The following KCNMA1 variants were observed in gnomAD, a reference collection of about 807,000 sequenced individuals.
KCNMA1 encodes Calcium-activated potassium channel subunit alpha-1.
In KCNMA1, 29 loss-of-function variants were observed where a neutral mutation model predicts 140.0. That is an observed-to-expected ratio of 0.21 (90% confidence interval 0.15 to 0.28). KCNMA1 has a LOEUF of 0.28. KCNMA1 is among the 10% of genes least tolerant of loss of function. The pLI is 1.00. For missense variants in KCNMA1, 880 were observed against 1,602.2 expected, an observed-to-expected ratio of 0.55 and a Z score of 7.70; for synonymous variants, 612 against 611.9, an observed-to-expected ratio of 1.00 and a Z score of 0.00.
intron 5 of KCNMA1, among the ~76,000 whole-genome samples, chr10:77,176,744 GA>G (rs1375890433): frequency 6.6e-6 from 1 of 152,084 alleles, no homozygotes; most frequent in Non-Finnish European, 1.5e-5. Context: ...ATAATAATGG[GA>G]ATAATAATAT....
At chr10:77,214,544 A>G (rs2047097570) in intron 3 of KCNMA1, among the ~76,000 whole-genome samples, 2 of 152,172 alleles carry the variant, frequency 1.3e-5, no homozygotes, top group Admixed American at 6.6e-5. Flanking sequence ...CCAAAATATA[A>G]GCTTGCTCAA....
At chr10:77,356,018 T>A (rs1396376902) in intron 2 of KCNMA1, among the ~76,000 whole-genome samples, 1 of 152,236 alleles carries the variant, frequency 6.6e-6, no homozygotes. Context: ...TCTCCTAGAC[T>A]ACATTTACGT....
At chr10:77,407,431 C>T (rs1174656300) in intron 1 of KCNMA1, among the ~76,000 whole-genome samples, 1 of 152,222 alleles carries the variant, frequency 6.6e-6, no homozygotes, top group Non-Finnish European at 1.5e-5. Flanking sequence ...AGAGTGTTGG[C>T]CACCATTGAA....
intron 1 of KCNMA1, among the ~76,000 whole-genome samples, chr10:77,494,194 G>A (rs1446221754): frequency 6.6e-6 from 1 of 152,230 alleles, no homozygotes; most frequent in African/African-American, 2.4e-5. Context: ...AACTCACCAC[G>A]TTGCCTTTGA....
chr10:76,970,369 A>G (rs1264706667), intron 19 of KCNMA1: 3 of 340,768 alleles, frequency 8.8e-6, no homozygotes, highest in Admixed American at 8.3e-5. Flanking sequence ...TTATCTGTAT[A>G]CCAAAAAAAA....
chr10:76,954,267 G>A lies in KCNMA1; in HGVS notation c.2361-343C>T, dbSNP rs534254272. Among the ~76,000 whole-genome samples, 166 of 96,302 alleles carry A rather than the reference G, an allele frequency of 1.7e-3. 1 individual carries two copies. The highest frequency in any genetic ancestry group is 5.1e-3 in the Middle Eastern group (1 of 198). The allele number at this position is 96,302 out of a possible 152,430, so 63.2% of individuals were successfully genotyped here. A position where few individuals can be genotyped will look rare whatever the true frequency, so the allele number is the denominator to read the frequency against. On this transcript the variant is annotated intron_variant, in intron 20 of 27. Coordinates refer to ENST00000286628, the MANE Select transcript of KCNMA1 (RefSeq NM_001161352.2). ...TTACCAGCTATTCGATCTCCCCAGC[G>A]TGCACACACACACACACACACACAC...
At chr10:76,929,257 C>A (rs1165145368) in intron 23 of KCNMA1, among the ~76,000 whole-genome samples, 3 of 152,114 alleles carry the variant, frequency 2.0e-5, no homozygotes, top group Admixed American at 2.0e-4. Context: ...AAACCTCAAC[C>A]CTGATGTTAT....
chr10:76,912,314 A>T (rs527395597), intron 24 of KCNMA1: 3 of 152,332 alleles, frequency 2.0e-5, no homozygotes, highest in Admixed American at 6.5e-5. Flanking sequence ...ATCAATTGAG[A>T]GTCTCCAAGT....
intron 20 of KCNMA1, among the ~76,000 whole-genome samples, chr10:76,967,032 T>C (rs1053459445): frequency 6.6e-6 from 1 of 152,164 alleles, no homozygotes; most frequent in East Asian, 1.9e-4. Flanking sequence ...AGACCATTAG[T>C]GCAGAGTCCC....
At chr10:77,052,566 A>T (rs1392501625) in intron 14 of KCNMA1, among the ~76,000 whole-genome samples, 3 of 151,276 alleles carry the variant, frequency 2.0e-5, no homozygotes, top group Non-Finnish European at 4.4e-5. Flanking sequence ...CCTTGCCTCC[A>T]CGACTGATTT....
At chr10:77,544,611 C>T (rs971954384) in intron 1 of KCNMA1, among the ~76,000 whole-genome samples, 1 of 152,126 alleles carries the variant, frequency 6.6e-6, no homozygotes, top group Admixed American at 6.5e-5. Context: ...GTGAGCTAAG[C>T]GTATTCTTTA....
chr10:77,509,082 T>G (rs543901636), intron 1 of KCNMA1, among the ~76,000 whole-genome samples: 2 of 149,228 alleles, frequency 1.3e-5, no homozygotes, highest in Admixed American at 1.3e-4. Flanking sequence ...TGTTTTTTGT[T>G]GTTGTCATTT....
intron 3 of KCNMA1, among the ~76,000 whole-genome samples, chr10:77,222,140 G>A (rs972865699): frequency 6.6e-6 from 1 of 152,196 alleles, no homozygotes; most frequent in Non-Finnish European, 1.5e-5. Context: ...TCTAGGCTCA[G>A]GAGTAGAGAC....
intron 1 of KCNMA1, among the ~76,000 whole-genome samples, chr10:77,505,914 C>A (rs1407160505): frequency 6.6e-6 from 1 of 152,052 alleles, no homozygotes; most frequent in East Asian, 1.9e-4. Flanking sequence ...AGAGTCCAAG[C>A]AAGCAGCAAT....
intron 14 of KCNMA1, among the ~76,000 whole-genome samples, chr10:77,041,182 T>A (rs1209566225): frequency 0.27 from 210 of 784 alleles, 64 homozygotes; most frequent in African/African-American, 0.77. Flanking sequence ...TTTTTTTTTT[T>A]GAGACGGAGT....
intron 3 of KCNMA1, among the ~76,000 whole-genome samples, chr10:77,248,876 A>G (rs2059148902): frequency 6.6e-6 from 1 of 152,222 alleles, no homozygotes; most frequent in South Asian, 2.1e-4. Context: ...GTCTTTCCCA[A>G]GGAAGATGGA....
chr10:76,953,936 A>G lies in KCNMA1; in HGVS notation c.2361-12T>C. ...ACAAGGGGTCATGCCTGGGAAGAAA[A>G]GGACAGGAAAACCTAAGTGGAAAAT... is the stretch of plus-strand genomic sequence containing the variant. On this transcript the variant is annotated splice_polypyrimidine_tract_variant and intron_variant, in intron 20 of 27. Coordinates refer to ENST00000286628, the MANE Select transcript of KCNMA1 (RefSeq NM_001161352.2). 1.2e-6 allele frequency: 2 copies of G among 1,614,004 alleles called. No homozygotes were observed. Among genetic ancestry groups the G allele is most frequent in the Non-Finnish European group, 1.7e-6 (2 of 1,179,898 alleles).
At chr10:77,607,870 C>A (rs907515934) in intron 1 of KCNMA1, among the ~76,000 whole-genome samples, 3 of 152,088 alleles carry the variant, frequency 2.0e-5, no homozygotes, top group Non-Finnish European at 4.4e-5. Flanking sequence ...AAACTGACAC[C>A]CACACTCAGC....
At chr10:76,935,160 T>C (rs2060227321) in intron 23 of KCNMA1, among the ~76,000 whole-genome samples, 1 of 152,206 alleles carries the variant, frequency 6.6e-6, no homozygotes, top group South Asian at 2.1e-4. Context: ...GTATCTCTCA[T>C]TGTTGGAACA....
Sources: gnomAD v4.1 joint callset for allele counts (sites outside exome capture counted in the v4.1 genomes callset) on GRCh38, gnomAD v4.1.1 for gene constraint, MANE v1.5 for transcripts, NCBI Gene and HGNC (gene_info 2026-07-23, HGNC 2026-07-21) for gene names.